GLRA2: variants seen among roughly 807,000 people sequenced by gnomAD.
The protein encoded by GLRA2 is glycine receptor subunit alpha-2.
A neutral mutation model predicts 31.6 loss-of-function variants in GLRA2; 11 were observed. The ratio of observed to expected loss-of-function variants is 0.35; its 90% confidence interval spans 0.22 to 0.58. GLRA2 has a LOEUF of 0.58. GLRA2 is among the 20% of genes least tolerant of loss of function. GLRA2 has a pLI of 0.84. For missense variants in GLRA2, 212 were observed against 351.8 expected (o/e 0.60, Z 3.18); for synonymous variants, 132 against 134.0 (o/e 0.99, Z 0.10).
At chrX:14,469,750 A>G in the GLRA2 span, among the ~76,000 whole-genome samples, 1 of 104,262 alleles carries the variant, frequency 9.6e-6, no homozygotes, top group Non-Finnish European at 2.0e-5. Flanking sequence ...ATGCTAAATG[A>G]CGAGTTAATG....
rs113161872 is a variant in GLRA2, at chrX:14,670,345, G to C, written c.931-20365G>C. Among the ~76,000 whole-genome samples, 419 of 112,028 alleles carry C rather than the reference G, an allele frequency of 3.7e-3. 1 individual carries two copies. Among genetic ancestry groups the C allele is most frequent in the African/African-American group, 0.012 (383 of 30,856 alleles). On this transcript the variant is annotated intron_variant, in intron 7 of 8. Transcript: ENST00000218075. ...TCCAACCTCTGCCTGTTACCCAGTTGCAAAGTCACTTCCATATTTTTGGCT... is the reference window on the plus strand; with the variant it reads ...TCCAACCTCTGCCTGTTACCCAGTTCCAAAGTCACTTCCATATTTTTGGCT...
intron 2 of GLRA2, among the ~76,000 whole-genome samples, chrX:14,551,822 A>T (rs1263454273): frequency 9.0e-6 from 1 of 111,520 alleles, no homozygotes; most frequent in Non-Finnish European, 1.9e-5. Context: ...GAAGTCTATA[A>T]TTTATTCTCT....
In GLRA2 at chrX:14,730,313, C is replaced by T. The variant is rs2091977041; in HGVS notation, c.1187C>T (p.Pro396Leu). ...GCTGTCAAGGCCACACCTGCCAACC[C>T]ACTCCCACAACCGCCAAAAGATGGA... The part of the protein sequence containing the change: ...GTAVKATPAN[P>L]LPQPPKDGDA... Residue 396 changes from proline to leucine, a missense_variant, in exon 9 of 9, where the codon CCA (proline) becomes CTA (leucine). Physicochemically the swap from Pro to Leu is moderately conservative, Grantham distance 98. Coordinates refer to ENST00000218075, the MANE Select transcript of GLRA2 (RefSeq NM_002063.4). 8.3e-7 allele frequency: 1 copy of T among 1,210,556 alleles called. No individual in the cohort carries two copies. Among genetic ancestry groups the T allele is most frequent in the African/African-American group, 1.7e-5 (1 of 57,647 alleles).
At chrX:14,710,098 C>A (rs1392860854) in intron 8 of GLRA2, among the ~76,000 whole-genome samples, 2 of 111,684 alleles carry the variant, frequency 1.8e-5, no homozygotes, top group Non-Finnish European at 3.8e-5. Flanking sequence ...CACACCTGGG[C>A]GATTTCATCA....
chrX:14,708,956 AAGAG>A (rs201327561), intron 8 of GLRA2, among the ~76,000 whole-genome samples: 2,938 of 111,720 alleles, frequency 0.026, 96 homozygotes, highest in African/African-American at 0.09. Context: ...AGAAAAAAAA[AAGAG>A]AGAGAGACAG....
chrX:14,571,926 T>A (rs970801399), intron 2 of GLRA2, among the ~76,000 whole-genome samples: 1 of 111,755 alleles, frequency 8.9e-6, no homozygotes, highest in Non-Finnish European at 1.9e-5. Flanking sequence ...GTTTTTGGAA[T>A]CAGAATGATG....
intron 7 of GLRA2, among the ~76,000 whole-genome samples, chrX:14,663,894 C>T (rs972011307): frequency 9.0e-6 from 1 of 111,113 alleles, no homozygotes; most frequent in Admixed American, 9.6e-5. Context: ...AAAGTAGTCT[C>T]TTAAGAGTCT....
At chrX:14,543,000 C>A (rs1357199399) in intron 2 of GLRA2, among the ~76,000 whole-genome samples, 2 of 109,829 alleles carry the variant, frequency 1.8e-5, no homozygotes, top group African/African-American at 6.6e-5. Context: ...AGGTTAAGAC[C>A]TACAGGACTA....
chrX:14,647,860 G>T (rs779147343), intron 7 of GLRA2, among the ~76,000 whole-genome samples: 1 of 111,959 alleles, frequency 8.9e-6, no homozygotes, highest in African/African-American at 3.2e-5. Context: ...CATAGATGAA[G>T]AAAAATGAAT....
chrX:14,576,315 A>G (rs1320607840), intron 3 of GLRA2, among the ~76,000 whole-genome samples: 1 of 111,505 alleles, frequency 9.0e-6, no homozygotes, highest in African/African-American at 3.3e-5. Context: ...GCATTTAAAA[A>G]TTTACCTAAA....
At chrX:14,652,848 C>G (rs772200053) in intron 7 of GLRA2, among the ~76,000 whole-genome samples, 50 of 111,817 alleles carry the variant, frequency 4.5e-4, no homozygotes, top group African/African-American at 1.5e-3. Flanking sequence ...TTGCACATCT[C>G]TCACTTTAAA....
intron 8 of GLRA2, among the ~76,000 whole-genome samples, chrX:14,703,361 G>T (rs2091573879): frequency 9.0e-6 from 1 of 111,303 alleles, no homozygotes. Flanking sequence ...GGGGAAAGTT[G>T]TTCAAAGCCA....
rs751072603 is a variant in GLRA2, at chrX:14,679,543, G to C, written c.931-11167G>C. ...CAAACCTATCAGCTTGGCTTTCAAT[G>C]CCTTCTTTTGCCAGCCCAGCCTAAC... On this transcript the variant is annotated intron_variant, in intron 7 of 8. Transcript: ENST00000218075. Among the ~76,000 whole-genome samples, 10 of 110,840 alleles carry C rather than the reference G, an allele frequency of 9.0e-5. No individual in the cohort carries two copies. The South Asian group carries it at 3.5e-3, about 39-fold the overall frequency.
intron 2 of GLRA2, among the ~76,000 whole-genome samples, chrX:14,561,726 T>C (rs1482571723): frequency 1.8e-5 from 2 of 112,359 alleles, no homozygotes; most frequent in East Asian, 2.8e-4. Context: ...CTTAAACTTA[T>C]AGATAACTGG....
At chrX:14,452,642 G>T in the GLRA2 span, among the ~76,000 whole-genome samples, 3 of 112,211 alleles carry the variant, frequency 2.7e-5, no homozygotes, top group Non-Finnish European at 5.6e-5. Context: ...TTACAGAAGA[G>T]ATAGTACTTG....
chrX:14,594,338 C>G (rs2090177829), intron 4 of GLRA2, among the ~76,000 whole-genome samples: 1 of 111,284 alleles, frequency 9.0e-6, no homozygotes, highest in Admixed American at 9.7e-5. Context: ...TTCTTCACCT[C>G]AGTGCCACGA....
At chrX:14,591,423 G>A (rs956565836) in intron 4 of GLRA2, among the ~76,000 whole-genome samples, 3 of 111,472 alleles carry the variant, frequency 2.7e-5, no homozygotes, top group African/African-American at 6.5e-5. Context: ...CCACTGGTGT[G>A]AGCCCAAGAG....
At chrX:14,501,072 TA>T in the GLRA2 span, among the ~76,000 whole-genome samples, 404 of 89,283 alleles carry the variant, frequency 4.5e-3, no homozygotes, top group African/African-American at 8.9e-3. Flanking sequence ...GAAAAAGTAG[TA>T]AAAAAAAAAA....
intron 2 of GLRA2, among the ~76,000 whole-genome samples, chrX:14,568,708 A>AG (rs1569497754): frequency 3.2e-5 from 2 of 62,031 alleles, no homozygotes; most frequent in Non-Finnish European, 3.2e-5. Flanking sequence ...AAAAAAAAAA[A>AG]AGAAAAGAAA....
Sources: gnomAD v4.1 joint callset for allele counts (sites outside exome capture counted in the v4.1 genomes callset) on GRCh38, gnomAD v4.1.1 for gene constraint, MANE v1.5 for transcripts, NCBI Gene and HGNC (gene_info 2026-07-23, HGNC 2026-07-21) for gene names.